SIPA1L2: variants seen among roughly 807,000 people sequenced by gnomAD.
The protein encoded by SIPA1L2 is signal-induced proliferation-associated 1-like protein 2.
Under a neutral mutation model 163.9 loss-of-function variants are expected in SIPA1L2, and 56 were observed. That is an observed-to-expected ratio of 0.34 (90% CI 0.28 to 0.43). SIPA1L2 has a LOEUF of 0.43. Ranked by LOEUF, SIPA1L2 falls within the 20% of genes least tolerant of loss-of-function variation. The pLI is 1.00. For missense variants in SIPA1L2, 1,974 were observed against 2,193.5 expected (o/e 0.90, Z 2.00); for synonymous variants, 877 against 865.7 (o/e 1.01, Z -0.23).
Position 232,402,471 on chromosome 1 carries a change from T to A in SIPA1L2, c.4943A>T (p.Glu1648Val), listed in dbSNP as rs1660402260. The A allele has an allele frequency of 1.2e-6, 2 of 1,612,148 alleles. No individual in the cohort carries two copies. The highest frequency in any genetic ancestry group is 1.1e-5 in the South Asian group (1 of 90,830). The change falls in exon 22 of 23, where the codon GAG (glutamate) becomes GTG (valine). Residue 1648 changes from glutamate to valine, a missense_variant and splice_region_variant. By Grantham distance (121) the Glu-to-Val change is moderately radical. Transcript: ENST00000674635. ...SGKEFMDTTG[E>V]RSPSPLTGKV... ...CCCGGTCAGTGGTGATGGAGAACGC[T>A]CCCTAGCAAATAAGGATAGAATTAG... is the stretch of plus-strand genomic sequence containing the variant.
intron 1 of SIPA1L2, among the ~76,000 whole-genome samples, chr1:232,614,311 T>G (rs185135462): frequency 1.3e-5 from 2 of 152,294 alleles, no homozygotes. Context: ...GGCATGTTAA[T>G]GTAGGATTTC....
chr1:232,434,818 C>A (rs1662456329), intron 15 of SIPA1L2, among the ~76,000 whole-genome samples: 1 of 152,136 alleles, frequency 6.6e-6, no homozygotes, highest in Non-Finnish European at 1.5e-5. Context: ...CTCTCTGAAC[C>A]ATCTGATAAT....
At chr1:232,574,083 A>T (rs1056246480) in intron 2 of SIPA1L2, among the ~76,000 whole-genome samples, 91 bp downstream of exon 2, 2 of 152,132 alleles carry the variant, frequency 1.3e-5, no homozygotes, top group African/African-American at 4.8e-5. Flanking sequence ...AAACCAAAAC[A>T]ATCTTTTAAA....
rs1446403767 is a variant in SIPA1L2, at chr1:232,406,767, G to A, written c.4763-2589C>T. ...GATCAACGCGTCATGTCTGTTGAGG[G>A]TGAGGAATAGAACGATAGTGCCTGC... On this transcript the variant is annotated intron_variant, in intron 19 of 22. Coordinates refer to ENST00000674635, the MANE Select transcript of SIPA1L2 (RefSeq NM_020808.5). Among the ~76,000 whole-genome samples the A allele has an allele frequency of 2.0e-5, 3 of 151,010 alleles. No individual in the cohort carries two copies. In the East Asian group the frequency reaches 7.0e-4, roughly 35 times the overall value.
chr1:232,438,167 C>T (rs1198688343), intron 15 of SIPA1L2, among the ~76,000 whole-genome samples: 1 of 152,072 alleles, frequency 6.6e-6, no homozygotes, highest in Non-Finnish European at 1.5e-5. Flanking sequence ...AGCCTTTCAC[C>T]GTGACTGCTA....
intron 16 of SIPA1L2, among the ~76,000 whole-genome samples, chr1:232,429,802 C>T (rs926110253): frequency 6.6e-6 from 1 of 152,130 alleles, no homozygotes. Flanking sequence ...AAGCGCCCAA[C>T]ATTCGATCCT....
Position 232,629,904 on chromosome 1 carries a change from T to C in SIPA1L2, c.-354A>G, listed in dbSNP as rs959032159. The stretch of plus-strand genomic sequence containing the variant: ...CCGTCCGCCGGAACCTGCTACAGCC[T>C]GTGCGCGCCGGGCGGCGCGTACCCG... On this transcript the variant is annotated 5_prime_UTR_variant, in exon 1 of 23. Transcript: ENST00000674635. Among the ~76,000 whole-genome samples the C allele has an allele frequency of 7.9e-5, 12 of 151,362 alleles. No homozygotes were observed. Among genetic ancestry groups the C allele is most frequent in the African/African-American group, 2.9e-4 (12 of 41,346 alleles).
At chr1:232,438,810 G>A (rs779687008) in intron 15 of SIPA1L2, among the ~76,000 whole-genome samples, 26 of 152,186 alleles carry the variant, frequency 1.7e-4, no homozygotes, top group Non-Finnish European at 2.6e-4. Context: ...AGGGACAACA[G>A]GTTGAATTAG....
intron 2 of SIPA1L2, among the ~76,000 whole-genome samples, chr1:232,547,203 A>G (rs1658079486): frequency 6.6e-6 from 1 of 152,216 alleles, no homozygotes; most frequent in Non-Finnish European, 1.5e-5. Context: ...AATAAATAAT[A>G]CATAAAACTA....
chr1:232,575,533 G>A (rs1296461567), intron 1 of SIPA1L2, among the ~76,000 whole-genome samples: 1 of 152,090 alleles, frequency 6.6e-6, no homozygotes, highest in East Asian at 1.9e-4. Context: ...ATTAGGGTGG[G>A]GAAAGAAATT....
intron 1 of SIPA1L2, among the ~76,000 whole-genome samples, chr1:232,582,831 A>G (rs1660454708): frequency 6.6e-6 from 1 of 152,170 alleles, no homozygotes. Flanking sequence ...AAGAATAAAT[A>G]ATTAAGTTAT....
At chr1:232,437,817 C>T (rs560993779) in intron 15 of SIPA1L2, among the ~76,000 whole-genome samples, 109 of 152,294 alleles carry the variant, frequency 7.2e-4, no homozygotes, top group African/African-American at 2.5e-3. Context: ...AAACCACTTT[C>T]TACCCGGGGA....
chr1:232,504,754 T>G (rs1479953453), intron 3 of SIPA1L2, among the ~76,000 whole-genome samples: 1 of 152,188 alleles, frequency 6.6e-6, no homozygotes, highest in Non-Finnish European at 1.5e-5. Flanking sequence ...ATATTAAGTA[T>G]CTTTCACAAA....
At chr1:232,558,264 A>G (rs867597040) in intron 2 of SIPA1L2, among the ~76,000 whole-genome samples, 4 of 152,196 alleles carry the variant, frequency 2.6e-5, no homozygotes, top group Admixed American at 6.5e-5. Context: ...GGGGACATGA[A>G]AAGAGGATCC....
At chr1:232,486,638 A>G (rs1381298394) in intron 5 of SIPA1L2, among the ~76,000 whole-genome samples, 2 of 152,208 alleles carry the variant, frequency 1.3e-5, no homozygotes, top group African/African-American at 2.4e-5. Context: ...GAAACTTAGG[A>G]GACAGAAATC....
In SIPA1L2 at chr1:232,479,749, T is replaced by C; in HGVS notation, c.1982-19A>G. On this transcript the variant is annotated intron_variant, in intron 6 of 22. Coordinates refer to ENST00000674635, the MANE Select transcript of SIPA1L2 (RefSeq NM_020808.5). ...GAATCAGCTGAAAACAAAGATGAAT[T>C]ACAGAAGCAAGGTAAGCTGCTACAA... 5.6e-6 allele frequency: 9 copies of C among 1,599,496 alleles called. No individual in the cohort carries two copies. The highest frequency in any genetic ancestry group is 7.7e-6 in the Non-Finnish European group (9 of 1,167,028).
chr1:232,491,514 A>T (rs921902770), intron 4 of SIPA1L2, among the ~76,000 whole-genome samples: 2 of 152,066 alleles, frequency 1.3e-5, no homozygotes, highest in African/African-American at 4.8e-5. Context: ...AATTTTCCAT[A>T]ATGACCATTC....
At chr1:232,549,735 G>GA (rs1335549991) in intron 2 of SIPA1L2, among the ~76,000 whole-genome samples, 1 of 152,154 alleles carries the variant, frequency 6.6e-6, no homozygotes, top group Admixed American at 6.5e-5. Flanking sequence ...TTCTGAAACT[G>GA]AAAAATCTGC....
At chr1:232,498,825 T>G (rs1036510564) in intron 3 of SIPA1L2, among the ~76,000 whole-genome samples, 5 of 152,218 alleles carry the variant, frequency 3.3e-5, no homozygotes, top group Admixed American at 6.5e-5. Flanking sequence ...TCAAGATCCC[T>G]AACTTAACCA....
Sources: gnomAD v4.1 joint callset for allele counts (sites outside exome capture counted in the v4.1 genomes callset) on GRCh38, gnomAD v4.1.1 for gene constraint, MANE v1.5 for transcripts, NCBI Gene and HGNC (gene_info 2026-07-23, HGNC 2026-07-21) for gene names.